PTK7: variants seen among roughly 807,000 people sequenced by gnomAD.
PTK7 encodes the protein protein tyrosine kinase 7 (inactive), also known as inactive tyrosine-protein kinase 7.
In PTK7, 39 loss-of-function variants were observed where a neutral mutation model predicts 116.6. That is an observed-to-expected ratio of 0.33 (90% confidence interval 0.26 to 0.44). The LOEUF is 0.44. Among genes scored for constraint, PTK7 ranks in the 20% least tolerant of loss-of-function variants. PTK7 has a pLI of 1.00. For missense variants in PTK7, 1,169 were observed against 1,425.6 expected, an observed-to-expected ratio of 0.82 and a Z score of 2.90; for synonymous variants, 546 against 563.6, an observed-to-expected ratio of 0.97 and a Z score of 0.44.
chr6:43,089,543 C>T (rs1265030531), intron 1 of PTK7, among the ~76,000 whole-genome samples: 2 of 152,208 alleles, frequency 1.3e-5, no homozygotes, highest in Non-Finnish European at 2.9e-5. Flanking sequence ...GAAATGCTGT[C>T]GATCTCTTAA....
At chr6:43,140,654 G>A (rs371376139) in intron 10 of PTK7, among the ~76,000 whole-genome samples, 8 of 151,970 alleles carry the variant, frequency 5.3e-5, no homozygotes, top group East Asian at 3.9e-4. Context: ...TTGGGAGGCC[G>A]AGGTGGGAGG....
At chr6:43,160,185 C>T (rs932849745) in intron 19 of PTK7, among the ~76,000 whole-genome samples, 26 of 152,258 alleles carry the variant, frequency 1.7e-4, no homozygotes, top group Middle Eastern at 3.4e-3. Flanking sequence ...GCCCGATCTC[C>T]GTTCACTGCA....
rs753920650 is a variant in PTK7, at chr6:43,128,992, T to C, written c.95T>C (p.Ile32Thr). ...LPLLGGTQTA[I>T]VFIKQPSSQD... ...GCATCTACAGGTACCCAGACAGCCATTGTCTTCATCAAGCAGCCGTCCTCC... is the reference window on the plus strand; with the variant it reads ...GCATCTACAGGTACCCAGACAGCCACTGTCTTCATCAAGCAGCCGTCCTCC... The change falls in exon 2 of 20, where the codon ATT becomes ACT. Residue 32 changes from isoleucine (I) to threonine (T), a missense_variant. By Grantham distance (89) the Ile-to-Thr change is moderately conservative. This residue lies in a region of PTK7 where 487 missense variants were observed against 549.8 expected (regional missense o/e 0.89). Transcript: ENST00000230419. 14 of 1,609,408 alleles carry C rather than the reference T, an allele frequency of 8.7e-6. No individual in the cohort carries two copies. In the African/African-American group the frequency reaches 1.6e-4, roughly 18 times the overall value.
At chr6:43,136,532 C>G (rs1031401544) in intron 7 of PTK7, among the ~76,000 whole-genome samples, 1 of 152,160 alleles carries the variant, frequency 6.6e-6, no homozygotes, top group African/African-American at 2.4e-5. Flanking sequence ...TGGCAGTTGA[C>G]TGGGGCTATT....
At chr6:43,142,347 C>A in intron 13 of PTK7, 48 bp downstream of exon 13, 1 of 1,612,764 alleles carries the variant, frequency 6.2e-7, no homozygotes, top group Non-Finnish European at 8.5e-7. Context: ...TGGGCCCAGA[C>A]GTTTGTCACC....
intron 7 of PTK7, among the ~76,000 whole-genome samples, chr6:43,134,094 A>T (rs1274269863): frequency 2.0e-5 from 3 of 152,158 alleles, no homozygotes; most frequent in Non-Finnish European, 4.4e-5. Context: ...GCTGGAGTGT[A>T]GTGGTGTGAT....
chr6:43,083,178 G>T (rs997920632), intron 1 of PTK7, among the ~76,000 whole-genome samples: 2 of 152,214 alleles, frequency 1.3e-5, no homozygotes. Flanking sequence ...GGTGTCCTTG[G>T]CCTGTGTCCC....
At chr6:43,091,397 C>T (rs1215350883) in intron 1 of PTK7, among the ~76,000 whole-genome samples, 1 of 152,134 alleles carries the variant, frequency 6.6e-6, no homozygotes, top group Non-Finnish European at 1.5e-5. Flanking sequence ...CAACTCCTGA[C>T]CTCAGGTGAT....
chr6:43,131,762 G>T (rs73736708), intron 5 of PTK7: 36,204 of 534,672 alleles, frequency 0.068, 1,596 homozygotes, highest in African/African-American at 0.16. Context: ...ACTCTCTCTC[G>T]CACCTGCATT....
chr6:43,100,438 C>G (rs1767510365), intron 1 of PTK7, among the ~76,000 whole-genome samples: 1 of 119,648 alleles, frequency 8.4e-6, no homozygotes, highest in Non-Finnish European at 1.7e-5. Flanking sequence ...GACATTACTA[C>G]TTGTAACTTT....
chr6:43,083,736 C>T (rs983166183), intron 1 of PTK7, among the ~76,000 whole-genome samples: 12 of 152,294 alleles, frequency 7.9e-5, no homozygotes, highest in South Asian at 2.1e-4. Flanking sequence ...GTTGAGTGAA[C>T]GCTCAGGTGA....
intron 1 of PTK7, among the ~76,000 whole-genome samples, chr6:43,097,227 G>A (rs1177419743): frequency 6.6e-6 from 1 of 152,150 alleles, no homozygotes; most frequent in Non-Finnish European, 1.5e-5. Flanking sequence ...TCTTTTAAAG[G>A]GAAGCTAAAC....
At chr6:43,079,716 A>C (rs1766260727) in intron 1 of PTK7, among the ~76,000 whole-genome samples, 1 of 152,028 alleles carries the variant, frequency 6.6e-6, no homozygotes, top group South Asian at 2.1e-4. Flanking sequence ...TCAGTGCTCT[A>C]AAGTATGAGG....
At chr6:43,128,865 C>G (rs983481822) in intron 1 of PTK7, 112 bp from the exon 2 acceptor site, 2 of 1,139,988 alleles carry the variant, frequency 1.8e-6, no homozygotes, top group East Asian at 4.9e-5. Context: ...CCTGCACTTA[C>G]TGGACGCCTC....
rs1303700701 is a variant in PTK7 at position 43,143,723 on chromosome 6, G to C, written c.2251+103G>C. 2 of 1,284,564 alleles carry C rather than the reference G, an allele frequency of 1.6e-6. No individual in the cohort carries two copies. Among genetic ancestry groups the C allele is most frequent in the African/African-American group, 1.5e-5 (1 of 66,864 alleles). The allele number at this position is 1,284,564 out of a possible 1,614,324, so 79.6% of individuals were successfully genotyped here. ...CCAGCACTCTGGAAACCGAGCGGCT[G>C]TTGCTGGGTCCTGGAGCTGGGACTG... is the stretch of plus-strand genomic sequence containing the variant. On this transcript the variant is annotated intron_variant, in intron 14 of 19. Coordinates refer to ENST00000230419, the MANE Select transcript of PTK7 (RefSeq NM_002821.5). The surrounding 1 kb of genome is among the most constrained non-coding windows in gnomAD (Gnocchi z 4.2).
intron 1 of PTK7, among the ~76,000 whole-genome samples, chr6:43,113,496 C>T (rs1582117940): frequency 1.3e-5 from 2 of 152,116 alleles, no homozygotes; most frequent in East Asian, 3.9e-4. Flanking sequence ...AAGGGTTTTA[C>T]CTAAGACTTT....
chr6:43,154,551 TC>T (rs1771308595), intron 17 of PTK7, among the ~76,000 whole-genome samples: 2 of 152,164 alleles, frequency 1.3e-5, no homozygotes, highest in South Asian at 2.1e-4. Flanking sequence ...TATTTTCTAT[TC>T]CCTTTTTTTT....
chr6:43,077,058 A>C (rs1582038727), intron 1 of PTK7: 2 of 1,298,298 alleles, frequency 1.5e-6, no homozygotes, highest in Non-Finnish European at 2.0e-6. Flanking sequence ...TTTGTTACCT[A>C]CGCCGACCCG....
At position 43,141,517 on chromosome 6, in the gene PTK7, G is replaced by A. The variant is rs895199234; in HGVS notation, c.1619-151G>A. On this transcript the variant is annotated intron_variant, in intron 10 of 19. Transcript: ENST00000230419. This position sits in a 1 kb window ranked among gnomAD's most constrained non-coding sequence, Gnocchi z 4.9. Reference sequence around the variant, plus strand: ...TGGAAGAGGGGTAAATAACGGAGGGGCTTCTAACACTTGGCTCAGGAGTTT... The same window carrying A: ...TGGAAGAGGGGTAAATAACGGAGGGACTTCTAACACTTGGCTCAGGAGTTT... 9 of 853,306 alleles carry A rather than the reference G, an allele frequency of 1.1e-5. No individual in the cohort carries two copies. Among genetic ancestry groups the A allele is most frequent in the Non-Finnish European group, 1.8e-6 (1 of 550,452 alleles). 52.9% of individuals were successfully genotyped at this position (853,306 alleles called of 1,614,324 possible).
Sources: gnomAD v4.1 joint callset for allele counts (sites outside exome capture counted in the v4.1 genomes callset) on GRCh38, gnomAD v4.1.1 for gene constraint, gnomAD v4.1.1 regional missense constraint, Gnocchi (gnomAD v3.1) non-coding constraint, MANE v1.5 for transcripts, NCBI Gene and HGNC (gene_info 2026-07-23, HGNC 2026-07-21) for gene names.